The following CRB1 variants were observed in gnomAD, a reference collection of about 807,000 sequenced individuals.
CRB1 encodes crumbs cell polarity complex component 1.
Under a neutral mutation model 120.0 loss-of-function variants are expected in CRB1, and 83 were observed. That is an observed-to-expected ratio of 0.69 (90% CI 0.58 to 0.83). CRB1 has a LOEUF of 0.83. Among genes scored for constraint, CRB1 ranks in the 40% least tolerant of loss-of-function variants. The pLI, the probability that CRB1 is intolerant of heterozygous loss-of-function variation, is 0.00. For synonymous variants in CRB1, 625 were observed against 612.5 expected (o/e 1.02, Z -0.30); for missense variants, 1,699 against 1,687.6 (o/e 1.01, Z -0.12).
intron 1 of CRB1, among the ~76,000 whole-genome samples, chr1:197,324,639 A>C (rs535185903): frequency 2.0e-5 from 3 of 152,274 alleles, no homozygotes; most frequent in South Asian, 4.1e-4. Flanking sequence ...AGGCAGAGCG[A>C]TGTTATCTTG....
intron 5 of CRB1, among the ~76,000 whole-genome samples, chr1:197,417,053 C>CA (rs1664043618): frequency 1.3e-5 from 2 of 152,154 alleles, no homozygotes; most frequent in Admixed American, 6.5e-5. Context: ...TCTTCAGAGG[C>CA]AATTTGAAGG....
the CRB1 span, among the ~76,000 whole-genome samples, chr1:197,202,676 G>A: frequency 6.6e-6 from 1 of 152,088 alleles, no homozygotes; most frequent in Non-Finnish European, 1.5e-5. Flanking sequence ...ATTCTGATAA[G>A]AGCAAATAAT....
At chr1:197,259,991 A>C in the CRB1 span, among the ~76,000 whole-genome samples, 1 of 151,888 alleles carries the variant, frequency 6.6e-6, no homozygotes, top group Non-Finnish European at 1.5e-5. Context: ...TCTAAAAAAA[A>C]AAAAAAAAAA....
chr1:197,270,303 A>G (rs372913376), intron 1 of CRB1, among the ~76,000 whole-genome samples: 12 of 152,316 alleles, frequency 7.9e-5, no homozygotes, highest in African/African-American at 2.9e-4. Flanking sequence ...TTCACATTTT[A>G]TAGAAGATGA....
intron 5 of CRB1, among the ~76,000 whole-genome samples, chr1:197,420,391 G>C (rs1408050155): frequency 6.6e-6 from 1 of 152,142 alleles, no homozygotes; most frequent in South Asian, 2.1e-4. Context: ...AAACAGGAAA[G>C]GAGCTTGTTA....
At position 197,421,635 on chromosome 1, in the gene CRB1, C is replaced by G. The variant is rs551338737; in HGVS notation, c.1807C>G (p.Gln603Glu). 1.2e-6 allele frequency: 2 copies of G among 1,614,178 alleles called. No individual in the cohort carries two copies. The highest frequency in any genetic ancestry group is 1.1e-5 in the South Asian group (1 of 91,078). ...AKAPTPLESD[Q>E]SICAFQNSFL... Reference sequence around the variant, plus strand: ...AGCTCCTACTCCACTTGAAAGTGATCAATCAATATGTGCTTTTCAGAACTC... The same window carrying G: ...AGCTCCTACTCCACTTGAAAGTGATGAATCAATATGTGCTTTTCAGAACTC... The change falls in exon 6 of 12, where the codon CAA becomes GAA. Residue 603 changes from glutamine (Q) to glutamate (E), a missense_variant. Physicochemically the swap from Gln to Glu is conservative, Grantham distance 29 (BLOSUM62 2). Coordinates refer to ENST00000367400, the MANE Select transcript of CRB1 (RefSeq NM_201253.3).
chr1:197,232,570 TGAAAA>T, the CRB1 span, among the ~76,000 whole-genome samples: 24 of 152,148 alleles, frequency 1.6e-4, no homozygotes, highest in Admixed American at 2.6e-4. Flanking sequence ...GTCTATACAA[TGAAAA>T]GAAATCAAGA....
intron 5 of CRB1, among the ~76,000 whole-genome samples, chr1:197,358,494 G>T (rs1474456446): frequency 6.6e-6 from 1 of 152,174 alleles, no homozygotes; most frequent in Non-Finnish European, 1.5e-5. Context: ...CTGAAGAGCT[G>T]CCAGGAATGA....
chr1:197,301,234 C>T (rs1037838161), intron 1 of CRB1, among the ~76,000 whole-genome samples: 5 of 151,672 alleles, frequency 3.3e-5, no homozygotes, highest in African/African-American at 4.8e-5. Context: ...GGCGCGACCT[C>T]GGCTCACTGC....
chr1:197,474,543 G>T (rs1238618151), intron 11 of CRB1, among the ~76,000 whole-genome samples: 3 of 152,142 alleles, frequency 2.0e-5, no homozygotes, highest in Admixed American at 2.0e-4. Flanking sequence ...CTGAATTGAG[G>T]TACTAACAAG....
At chr1:197,339,338 AATG>A (rs1478097751) in intron 2 of CRB1, among the ~76,000 whole-genome samples, 1 of 152,192 alleles carries the variant, frequency 6.6e-6, no homozygotes, top group African/African-American at 2.4e-5. Flanking sequence ...ATGAAAACCG[AATG>A]CTACAGTTCC....
intron 5 of CRB1, among the ~76,000 whole-genome samples, chr1:197,365,017 GCAGA>G (rs1320151088): frequency 6.8e-6 from 1 of 146,844 alleles, no homozygotes; most frequent in East Asian, 1.9e-4. Flanking sequence ...TTTGAATTTA[GCAGA>G]CAATCACCTT....
Position 197,429,594 on chromosome 1 carries a change from C to T in CRB1, c.2822C>T (p.Pro941Leu), listed in dbSNP as rs77334581. Residue 941 changes from proline to leucine, a missense_variant, in exon 8 of 12, where the codon CCG (proline) becomes CTG (leucine). Transcript: ENST00000367400. ...TGTCCTCACGGAGCCCAGTGCCAGC[C>T]GGTGCTTCAAGGATTTGAATGTAGG... ...SPCPHGAQCQ[P>L]VLQGFECIAN... 69 of 1,613,910 alleles carry T rather than the reference C, an allele frequency of 4.3e-5. No individual in the cohort carries two copies. The East Asian group carries it at 1.0e-3, about 24-fold the overall frequency.
At chr1:197,387,501 G>T (rs1662277382) in intron 5 of CRB1, among the ~76,000 whole-genome samples, 1 of 151,944 alleles carries the variant, frequency 6.6e-6, no homozygotes, top group South Asian at 2.1e-4. Flanking sequence ...CCGCTCCATA[G>T]AATTCTCTAA....
intron 1 of CRB1, among the ~76,000 whole-genome samples, chr1:197,282,037 A>G (rs1170569747): frequency 2.0e-5 from 3 of 151,488 alleles, no homozygotes; most frequent in African/African-American, 7.3e-5. Context: ...TTACATTTTT[A>G]TAAATAAAAT....
At chr1:197,473,658 T>C (rs1455823270) in intron 11 of CRB1, among the ~76,000 whole-genome samples, 15 of 152,074 alleles carry the variant, frequency 9.9e-5, no homozygotes, top group Admixed American at 9.8e-4. Context: ...TATAATTAAT[T>C]TGGGGTATGT....
At chr1:197,319,166 T>C (rs1251144536) in intron 1 of CRB1, among the ~76,000 whole-genome samples, 1 of 149,816 alleles carries the variant, frequency 6.7e-6, no homozygotes, top group East Asian at 1.9e-4. Context: ...AATGATGGCT[T>C]TAAAAATAGA....
chr1:197,286,887 CTTATT>C (rs1452877184), intron 1 of CRB1, among the ~76,000 whole-genome samples: 1 of 151,770 alleles, frequency 6.6e-6, no homozygotes, highest in East Asian at 1.9e-4. Flanking sequence ...AAGCATTTGA[CTTATT>C]TTGTTTCATT....
chr1:197,336,889 G>C (rs1238960297), intron 2 of CRB1, among the ~76,000 whole-genome samples: 2 of 151,952 alleles, frequency 1.3e-5, no homozygotes, highest in Non-Finnish European at 2.9e-5. Context: ...TATGAGTAGA[G>C]CAAAAATGCA....
Sources: gnomAD v4.1 joint callset for allele counts (sites outside exome capture counted in the v4.1 genomes callset) on GRCh38, gnomAD v4.1.1 for gene constraint, MANE v1.5 for transcripts, NCBI Gene and HGNC (gene_info 2026-07-23, HGNC 2026-07-21) for gene names.